Variants in ZNF532 observed in about 807,000 individuals in gnomAD.
ZNF532 encodes zinc finger protein 532.
Under a neutral mutation model 89.3 loss-of-function variants are expected in ZNF532, and 22 were observed. The observed-to-expected ratio is 0.25, with a 90% CI of 0.18 to 0.35. ZNF532 has a LOEUF of 0.35. Among genes scored for constraint, ZNF532 ranks in the 10% least tolerant of loss-of-function variants. The pLI, the probability that ZNF532 is intolerant of heterozygous loss-of-function variation, is 1.00. For missense variants in ZNF532, 1,132 were observed against 1,643.4 expected, an observed-to-expected ratio of 0.69 and a Z score of 5.38; for synonymous variants, 606 against 649.6, an observed-to-expected ratio of 0.93 and a Z score of 1.02.
chr18:58,922,952 C>T (rs766819421), intron 3 of ZNF532, among the ~76,000 whole-genome samples: 4 of 151,862 alleles, frequency 2.6e-5, no homozygotes, highest in Non-Finnish European at 5.9e-5. Flanking sequence ...TAGGGTGAAA[C>T]GGGTGAAACT....
chr18:58,890,006 C>T (rs533531293), intron 2 of ZNF532, among the ~76,000 whole-genome samples: 3 of 151,352 alleles, frequency 2.0e-5, no homozygotes, highest in Non-Finnish European at 4.4e-5. Context: ...TCGTTTGAAC[C>T]CGGGAGGTGG....
chr18:58,985,519 C>T lies in ZNF532; in HGVS notation c.*1053C>T, dbSNP rs529902254. 1 of 152,706 alleles carries T rather than the reference C, an allele frequency of 6.5e-6. No homozygotes were observed. The highest frequency in any genetic ancestry group is 2.4e-5 in the African/African-American group (1 of 41,550). 9.5% of individuals were successfully genotyped at this position (152,706 alleles called of 1,614,324 possible). A position where few individuals can be genotyped will look rare whatever the true frequency, so the allele number is the denominator to read the frequency against. ...AGTCGGGATGCACAACTTCAACCAC[C>T]GACTTATCAATGCAGCCGCCTGTGT... On this transcript the variant is annotated 3_prime_UTR_variant, in exon 10 of 10. Coordinates refer to ENST00000591808, the MANE Select transcript of ZNF532 (RefSeq NM_001375912.1).
rs1568397980 is a variant in ZNF532 at position 58,948,139 on chromosome 18, A to T, written c.2778A>T (p.Gln926His). The T allele has an allele frequency of 6.2e-7, 1 of 1,613,972 alleles. No homozygotes were observed. The highest frequency in any genetic ancestry group is 1.1e-5 in the South Asian group (1 of 91,046). The change falls in exon 6 of 10, where the codon CAA becomes CAT. Residue 926 changes from glutamine (Q) to histidine (H), a missense_variant. Gln to His is a conservative substitution (Grantham distance 24). Coordinates refer to ENST00000591808, the MANE Select transcript of ZNF532 (RefSeq NM_001375912.1). ...CCTTGCTGTATCGCCACTTTGACCA[A>T]CACATTGAAAACCAGAAGGTGTCTG... Reference protein sequence around the residue: ...LQTLLYRHFDQHIENQKVSVF... With the variant: ...LQTLLYRHFDHHIENQKVSVF...
chr18:58,973,593 CAGTT>C (rs1450940814), intron 7 of ZNF532, among the ~76,000 whole-genome samples: 5 of 152,332 alleles, frequency 3.3e-5, no homozygotes, highest in South Asian at 2.1e-4. Context: ...CTCTGGAAAA[CAGTT>C]AGACAGTTTC....
intron 6 of ZNF532, among the ~76,000 whole-genome samples, chr18:58,953,012 G>A (rs1294168657): frequency 2.0e-5 from 3 of 152,240 alleles, no homozygotes; most frequent in Non-Finnish European, 2.9e-5. Context: ...ACTGTTACTA[G>A]TATTCCAAGA....
At chr18:58,893,395 G>C (rs1163694264) in intron 2 of ZNF532, among the ~76,000 whole-genome samples, 1 of 152,174 alleles carries the variant, frequency 6.6e-6, no homozygotes, top group Non-Finnish European at 1.5e-5. Flanking sequence ...TGCCTGGCGT[G>C]GCGGCTCACA....
intron 2 of ZNF532, among the ~76,000 whole-genome samples, chr18:58,892,907 G>A (rs1391132606): frequency 6.6e-6 from 1 of 152,104 alleles, no homozygotes; most frequent in East Asian, 1.9e-4. Context: ...AAAGTCCCAA[G>A]GAATGCTTGT....
intron 5 of ZNF532, among the ~76,000 whole-genome samples, chr18:58,942,258 G>T (rs967916764): frequency 6.7e-6 from 1 of 148,256 alleles, no homozygotes; most frequent in South Asian, 2.2e-4. Context: ...TCCTGACCTC[G>T]TGATCCGCCC....
intron 2 of ZNF532, among the ~76,000 whole-genome samples, chr18:58,881,911 C>T (rs2057954805): frequency 6.6e-6 from 1 of 152,158 alleles, no homozygotes; most frequent in African/African-American, 2.4e-5. Flanking sequence ...TTTTACAATA[C>T]AAATAGCTTC....
At chr18:58,904,387 T>C (rs1365697429) in intron 2 of ZNF532, among the ~76,000 whole-genome samples, 2 of 151,750 alleles carry the variant, frequency 1.3e-5, no homozygotes, top group Non-Finnish European at 2.9e-5. Flanking sequence ...GTTAAGATGG[T>C]AAATTTTATG....
rs1039596965 is a variant in ZNF532, at chr18:58,951,592, A to C, written c.2869-1926A>C. 2.0e-5 allele frequency among the ~76,000 whole-genome samples: 3 copies of C among 147,276 alleles called. No individual in the cohort carries two copies. In the Admixed American group the frequency reaches 2.0e-4, roughly 10 times the overall value. ...ATCAAGAAATCATGTCTTGCTCCAG[A>C]TTTTCTCTTTGCAAAGAACATGGTT... On this transcript the variant is annotated intron_variant, in intron 6 of 9. Transcript: ENST00000591808.
chr18:58,888,885 TATATTTTA>T (rs1413173252), intron 2 of ZNF532, among the ~76,000 whole-genome samples: 1,841 of 56,296 alleles, frequency 0.033, 262 homozygotes, highest in African/African-American at 0.093. Context: ...ATTATATATA[TATATTTTA>T]TATATATATA....
intron 3 of ZNF532, among the ~76,000 whole-genome samples, chr18:58,927,298 G>C (rs908088783): frequency 2.6e-5 from 4 of 152,102 alleles, no homozygotes; most frequent in African/African-American, 9.7e-5. Context: ...TGAAGTCTTG[G>C]CTGCACCTCT....
intron 2 of ZNF532, among the ~76,000 whole-genome samples, chr18:58,914,487 C>T (rs2060471523): frequency 6.6e-6 from 1 of 152,210 alleles, no homozygotes; most frequent in African/African-American, 2.4e-5. Context: ...TGAGACCAGC[C>T]TGGCCAACAT....
At chr18:58,916,693 C>T (rs1234382988) in intron 2 of ZNF532, 1 of 985,178 alleles carries the variant, frequency 1.0e-6, no homozygotes, top group African/African-American at 1.7e-5. Flanking sequence ...TTTTTCTAAC[C>T]AAATTCTTCA....
intron 2 of ZNF532, among the ~76,000 whole-genome samples, chr18:58,899,005 G>T (rs926040934): frequency 1.3e-5 from 2 of 152,256 alleles, no homozygotes; most frequent in Non-Finnish European, 2.9e-5. Flanking sequence ...TGTCTACCAC[G>T]CAGGCCGGGG....
Position 58,939,462 on chromosome 18 carries a change from T to G in ZNF532, c.2546T>G (p.Val849Gly). Reference sequence around the variant, plus strand: ...TCTAACAGATGTGTGCATTGCAATGTTGTGTACTCTGATGTGGCTGCTCTG... The same window carrying G: ...TCTAACAGATGTGTGCATTGCAATGGTGTGTACTCTGATGTGGCTGCTCTG... ...RVGFRCVHCN[V>G]VYSDVAALKS... is the part of the protein sequence containing the mutation. The change falls in exon 5 of 10, where the codon GTT becomes GGT. Residue 849 changes from valine (V) to glycine (G), a missense_variant. Val to Gly is a moderately radical substitution (Grantham distance 109). Around this residue, in one of 9 missense-constraint regions of ZNF532, gnomAD observed 415 missense variants for 604.8 expected, o/e 0.69. Coordinates refer to ENST00000591808, the MANE Select transcript of ZNF532 (RefSeq NM_001375912.1). The G allele has an allele frequency of 6.2e-7, 1 of 1,613,848 alleles. No individual in the cohort carries two copies. The highest frequency in any genetic ancestry group is 8.5e-7 in the Non-Finnish European group (1 of 1,179,936).
At chr18:58,890,189 G>C (rs2058784251) in intron 2 of ZNF532, among the ~76,000 whole-genome samples, 1 of 152,010 alleles carries the variant, frequency 6.6e-6, no homozygotes, top group African/African-American at 2.4e-5. Context: ...GGGGGTTGCA[G>C]TGAGCCGAGA....
intron 7 of ZNF532, among the ~76,000 whole-genome samples, chr18:58,978,266 A>G (rs2067283597): frequency 6.6e-6 from 1 of 152,166 alleles, no homozygotes; most frequent in Non-Finnish European, 1.5e-5. Context: ...GAGATTATCA[A>G]ATGATATTAT....
Sources: allele counts gnomAD v4.1 joint callset (sites outside exome capture counted in the v4.1 genomes callset), GRCh38; gene constraint gnomAD v4.1.1; regional missense constraint gnomAD v4.1.1; transcripts MANE v1.5; gene names NCBI Gene and HGNC (gene_info 2026-07-23, HGNC 2026-07-21).